The following FGGY variants were observed in gnomAD, a reference collection of about 807,000 sequenced individuals.
FGGY encodes FGGY carbohydrate kinase domain containing, also known as FGGY carbohydrate kinase domain-containing protein.
A neutral mutation model predicts 71.3 loss-of-function variants in FGGY; 72 were observed. That is an observed-to-expected ratio of 1.01 (90% CI 0.84 to 1.23). The LOEUF (loss-of-function observed/expected upper bound fraction) is 1.23, where lower values mean the gene tolerates loss of function less well. Among genes scored for constraint, FGGY ranks in the 50% most tolerant of loss-of-function variants. The pLI is 0.00. For synonymous variants in FGGY, 251 were observed against 250.3 expected, an observed-to-expected ratio of 1.00 and a Z score of -0.02; for missense variants, 668 against 682.3, an observed-to-expected ratio of 0.98 and a Z score of 0.23.
chr1:59,596,635 T>G (rs1321969551), intron 8 of FGGY, among the ~76,000 whole-genome samples: 1 of 152,192 alleles, frequency 6.6e-6, no homozygotes, highest in Non-Finnish European at 1.5e-5. Flanking sequence ...GTATCTTAGC[T>G]GGAAGAATGT....
intron 7 of FGGY, among the ~76,000 whole-genome samples, chr1:59,538,676 G>A (rs1261351741): frequency 6.6e-6 from 1 of 151,970 alleles, no homozygotes; most frequent in Non-Finnish European, 1.5e-5. Context: ...AAAAAAGGAT[G>A]AGTTCATGTC....
Position 59,584,959 on chromosome 1 carries a change from C to T in FGGY, c.904-22844C>T, listed in dbSNP as rs145113673. ...ATAAAATAGCTAGGAATCCAACTTA[C>T]AAGGGACGTGAAGGACCTCATCAAG... On this transcript the variant is annotated intron_variant, in intron 8 of 15. Coordinates refer to ENST00000303721, the MANE Select transcript of FGGY (RefSeq NM_018291.5). Among the ~76,000 whole-genome samples the T allele has an allele frequency of 3.8e-4, 52 of 137,068 alleles. 4 individuals are homozygous for T. Among genetic ancestry groups the T allele is most frequent in the African/African-American group, 1.5e-3 (47 of 31,018 alleles). 89.9% of individuals were successfully genotyped at this position (137,068 alleles called of 152,430 possible). A position where few individuals can be genotyped will look rare whatever the true frequency, so the allele number is the denominator to read the frequency against.
chr1:59,693,948 A>G (rs957095419), intron 14 of FGGY, among the ~76,000 whole-genome samples: 16 of 151,982 alleles, frequency 1.1e-4, no homozygotes, highest in African/African-American at 3.6e-4. Flanking sequence ...CAGAAGTTGC[A>G]GTGAGCCAAT....
At chr1:59,730,550 C>A (rs2098013516) in intron 14 of FGGY, among the ~76,000 whole-genome samples, 1 of 152,154 alleles carries the variant, frequency 6.6e-6, no homozygotes, top group South Asian at 2.1e-4. Context: ...TAATTAATCT[C>A]TTGGCAGTCA....
chr1:59,470,638 C>G (rs2092892446), intron 6 of FGGY, among the ~76,000 whole-genome samples: 1 of 152,224 alleles, frequency 6.6e-6, no homozygotes, highest in South Asian at 2.1e-4. Flanking sequence ...AGGAAATTCC[C>G]TTTTGTAAAC....
At chr1:59,354,089 C>CT (rs977721008) in intron 4 of FGGY, among the ~76,000 whole-genome samples, 34 of 121,324 alleles carry the variant, frequency 2.8e-4, no homozygotes, top group Middle Eastern at 8.1e-3. Flanking sequence ...CTTTTCTTTT[C>CT]TTTTTTTTGA....
chr1:59,430,077 A>G (rs1405959520), intron 5 of FGGY, among the ~76,000 whole-genome samples: 2 of 152,230 alleles, frequency 1.3e-5, no homozygotes, highest in African/African-American at 4.8e-5. Flanking sequence ...AATAAACCCC[A>G]GGCCATAAGC....
At chr1:59,535,083 A>C (rs1409371782) in intron 7 of FGGY, among the ~76,000 whole-genome samples, 3 of 152,174 alleles carry the variant, frequency 2.0e-5, no homozygotes, top group African/African-American at 4.8e-5. Context: ...TATTCAGGAA[A>C]CCCATCTCAC....
chr1:59,512,817 A>G lies in FGGY; in HGVS notation c.799+378A>G, dbSNP rs1188759262. Among the ~76,000 whole-genome samples the G allele has an allele frequency of 2.0e-5, 3 of 152,310 alleles. No homozygotes were observed. In the South Asian group the frequency reaches 6.2e-4, roughly 32 times the overall value. On this transcript the variant is annotated intron_variant, in intron 7 of 15. Coordinates refer to ENST00000303721, the MANE Select transcript of FGGY (RefSeq NM_018291.5). ...ATAAGTCTCTTAGATTTATTTTAAT[A>G]ATATATTTGGCTTATGTCCTGTATC...
intron 11 of FGGY, among the ~76,000 whole-genome samples, chr1:59,646,494 T>C (rs573379985): frequency 1.1e-4 from 17 of 150,058 alleles, no homozygotes; most frequent in African/African-American, 3.6e-4. Flanking sequence ...TGAAAATACA[T>C]ATTTTTTATT....
intron 2 of FGGY, among the ~76,000 whole-genome samples, chr1:59,335,409 TTC>T (rs1161132420): frequency 1.3e-5 from 2 of 152,244 alleles, no homozygotes; most frequent in African/African-American, 4.8e-5. Flanking sequence ...CTGAGTAGTA[TTC>T]TGTTATATGG....
intron 14 of FGGY, among the ~76,000 whole-genome samples, chr1:59,726,773 A>C (rs769277762): frequency 3.3e-5 from 5 of 151,890 alleles, no homozygotes; most frequent in Non-Finnish European, 2.9e-5. Flanking sequence ...TGTCAGTTTT[A>C]TTGCTCTTTC....
chr1:59,699,617 A>G (rs1301210110), intron 14 of FGGY, among the ~76,000 whole-genome samples: 1 of 152,214 alleles, frequency 6.6e-6, no homozygotes, highest in Non-Finnish European at 1.5e-5. Flanking sequence ...AAACAAAAAA[A>G]GGAGGTAAAT....
chr1:59,477,716 C>G (rs2093324120), intron 6 of FGGY, among the ~76,000 whole-genome samples: 1 of 152,166 alleles, frequency 6.6e-6, no homozygotes, highest in Non-Finnish European at 1.5e-5. Flanking sequence ...CCCCACTGCC[C>G]TTACTTCAGA....
intron 7 of FGGY, among the ~76,000 whole-genome samples, chr1:59,536,327 T>G (rs1219243889): frequency 1.3e-5 from 2 of 152,094 alleles, no homozygotes; most frequent in South Asian, 2.1e-4. Context: ...TGAAATTGTG[T>G]CAATAATCAA....
At chr1:59,351,879 G>A (rs945335957) in intron 4 of FGGY, among the ~76,000 whole-genome samples, 3 of 151,940 alleles carry the variant, frequency 2.0e-5, no homozygotes, top group East Asian at 1.9e-4. Context: ...AGATGTCAGA[G>A]GAAGTTGGGC....
intron 5 of FGGY, among the ~76,000 whole-genome samples, chr1:59,430,013 C>T (rs1455036260): frequency 6.6e-6 from 1 of 152,158 alleles, no homozygotes; most frequent in Non-Finnish European, 1.5e-5. Flanking sequence ...TAAATGGTGC[C>T]TAAGTCAAAA....
rs1048074208 is a variant in FGGY at position 59,671,350 on chromosome 1, T to G, written c.1418-2689T>G. ...AAGCCCAGACAACCAAGAAGTACCT[T>G]GGGATACTAACAGTGTTTCCACCCC... On this transcript the variant is annotated intron_variant, in intron 13 of 15. Transcript: ENST00000303721. Among the ~76,000 whole-genome samples the G allele has an allele frequency of 1.3e-4, 20 of 152,174 alleles. 1 individual carries two copies. Among genetic ancestry groups the G allele is most frequent in the East Asian group, 1.9e-4 (1 of 5,196 alleles).
intron 4 of FGGY, among the ~76,000 whole-genome samples, chr1:59,374,947 T>G (rs1259837583): frequency 8.0e-5 from 12 of 149,162 alleles, no homozygotes; most frequent in East Asian, 4.0e-4. Context: ...GATAGCATTG[T>G]GAGATATACC....
Sources: allele counts gnomAD v4.1 joint callset (sites outside exome capture counted in the v4.1 genomes callset), GRCh38; gene constraint gnomAD v4.1.1; transcripts MANE v1.5; gene names NCBI Gene and HGNC (gene_info 2026-07-23, HGNC 2026-07-21).